LDB2: variants seen among roughly 807,000 people sequenced by gnomAD.
The protein encoded by LDB2 is LIM domain binding 2.
LDB2 carries 12 observed loss-of-function variants against 44.3 expected under a neutral mutation model. That is an observed-to-expected ratio of 0.27 (90% CI 0.17 to 0.44). The LOEUF (loss-of-function observed/expected upper bound fraction) is 0.44. LDB2 is among the 20% of genes least tolerant of loss of function. LDB2 has a pLI of 1.00. For missense variants in LDB2, 344 were observed against 473.5 expected, an observed-to-expected ratio of 0.73 and a Z score of 2.54; for synonymous variants, 164 against 174.8, an observed-to-expected ratio of 0.94 and a Z score of 0.49.
At chr4:16,881,012 G>T (rs1342469491) in intron 1 of LDB2, among the ~76,000 whole-genome samples, 1 of 152,074 alleles carries the variant, frequency 6.6e-6, no homozygotes, top group Non-Finnish European at 1.5e-5. Context: ...CCTCACAGTG[G>T]ATTCTCAGTA....
chr4:16,577,350 A>G (rs1712088946), intron 5 of LDB2, among the ~76,000 whole-genome samples: 1 of 152,186 alleles, frequency 6.6e-6, no homozygotes. Flanking sequence ...CCAAAAAACT[A>G]TTAGAACTGA....
intron 5 of LDB2, among the ~76,000 whole-genome samples, chr4:16,576,016 A>G (rs1748148813): frequency 6.6e-6 from 1 of 152,246 alleles, no homozygotes; most frequent in Non-Finnish European, 1.5e-5. Context: ...CTGAGATTAC[A>G]GGCGTGAGCC....
chr4:16,708,518 C>T (rs527882547), intron 2 of LDB2, among the ~76,000 whole-genome samples: 1 of 152,152 alleles, frequency 6.6e-6, no homozygotes, highest in East Asian at 1.9e-4. Flanking sequence ...GGAATTTACC[C>T]ACTACTTACC....
At chr4:16,573,630 G>C (rs1490624692) in intron 5 of LDB2, among the ~76,000 whole-genome samples, 1 of 152,126 alleles carries the variant, frequency 6.6e-6, no homozygotes, top group East Asian at 1.9e-4. Flanking sequence ...AGTCTTTTGA[G>C]GATTTATAGT....
At chr4:16,667,458 C>T (rs1743604638) in intron 2 of LDB2, among the ~76,000 whole-genome samples, 2 of 152,170 alleles carry the variant, frequency 1.3e-5, no homozygotes, top group Non-Finnish European at 2.9e-5. Flanking sequence ...GACAATTTGG[C>T]TAGTTTCTAC....
chr4:16,515,923 G>A (rs929336413), intron 5 of LDB2, among the ~76,000 whole-genome samples: 3 of 151,954 alleles, frequency 2.0e-5, no homozygotes, highest in African/African-American at 7.3e-5. Context: ...GAGTGCAGTG[G>A]TGTGATCTTG....
chr4:16,715,262 T>C (rs111740914), intron 2 of LDB2, among the ~76,000 whole-genome samples: 127 of 152,286 alleles, frequency 8.3e-4, no homozygotes, highest in African/African-American at 3.0e-3. Flanking sequence ...CTGCCTCCCA[T>C]ACAAATACAA....
At chr4:16,798,035 GAAAAA>G (rs371276215) in intron 1 of LDB2, among the ~76,000 whole-genome samples, 1 of 71,968 alleles carries the variant, frequency 1.4e-5, no homozygotes, top group Non-Finnish European at 3.0e-5. Context: ...ACTCTGTCTC[GAAAAA>G]AAAAAAAAAA....
At chr4:16,648,204 C>A (rs900739697) in intron 2 of LDB2, among the ~76,000 whole-genome samples, 4 of 152,170 alleles carry the variant, frequency 2.6e-5, no homozygotes, top group Non-Finnish European at 5.9e-5. Context: ...GAAGTTGAGT[C>A]TTGGAGAGGG....
chr4:16,757,999 G>A (rs529130660), intron 2 of LDB2, among the ~76,000 whole-genome samples: 331 of 152,012 alleles, frequency 2.2e-3, no homozygotes, highest in Non-Finnish European at 3.6e-3. Flanking sequence ...TGAGAGATGC[G>A]CCTGGCAACC....
At chr4:16,621,953 C>T (rs1220081314) in intron 2 of LDB2, among the ~76,000 whole-genome samples, 1 of 152,168 alleles carries the variant, frequency 6.6e-6, no homozygotes, top group Non-Finnish European at 1.5e-5. Context: ...AGTAAAGATG[C>T]TTTGAAATAT....
intron 5 of LDB2, among the ~76,000 whole-genome samples, chr4:16,536,048 G>A (rs1374865746): frequency 6.6e-6 from 1 of 152,196 alleles, no homozygotes; most frequent in Non-Finnish European, 1.5e-5. Context: ...TCCCAACTAT[G>A]CTTACTTTGT....
At chr4:16,883,122 C>T (rs1487919069) in intron 1 of LDB2, among the ~76,000 whole-genome samples, 2 of 152,138 alleles carry the variant, frequency 1.3e-5, no homozygotes, top group Non-Finnish European at 2.9e-5. Context: ...CAGTTTGTGC[C>T]GAAAGGCAAG....
At chr4:16,546,712 G>T (rs1224380201) in intron 5 of LDB2, among the ~76,000 whole-genome samples, 2 of 152,178 alleles carry the variant, frequency 1.3e-5, no homozygotes, top group African/African-American at 2.4e-5. Context: ...GCCCACCACT[G>T]TGTATGTTCC....
At chr4:16,795,103 G>C (rs1293058582) in intron 1 of LDB2, among the ~76,000 whole-genome samples, 1 of 152,202 alleles carries the variant, frequency 6.6e-6, no homozygotes, top group Non-Finnish European at 1.5e-5. Context: ...CTGAGTTGAG[G>C]ACAGGGAAAT....
At chr4:16,790,205 G>A (rs557352753) in intron 1 of LDB2, among the ~76,000 whole-genome samples, 11 of 152,248 alleles carry the variant, frequency 7.2e-5, no homozygotes, top group South Asian at 4.1e-4. Context: ...TTTACAAATC[G>A]AGACTCCAAG....
intron 1 of LDB2, among the ~76,000 whole-genome samples, chr4:16,768,754 A>T (rs529669808): frequency 6.6e-6 from 1 of 151,708 alleles, no homozygotes; most frequent in Non-Finnish European, 1.5e-5. Flanking sequence ...AATAGTCAAC[A>T]GTTACAAGGC....
intron 1 of LDB2, among the ~76,000 whole-genome samples, chr4:16,843,277 G>A (rs913345360): frequency 2.0e-5 from 3 of 152,160 alleles, no homozygotes; most frequent in Non-Finnish European, 4.4e-5. Flanking sequence ...TCTTTGGAAA[G>A]TTAGCGTTTT....
intron 5 of LDB2, among the ~76,000 whole-genome samples, chr4:16,550,768 G>A (rs570426746): frequency 6.1e-4 from 93 of 152,316 alleles, no homozygotes; most frequent in African/African-American, 2.1e-3. Flanking sequence ...TGCCTTTGAG[G>A]AATTTGGCAC....
Sources: gnomAD v4.1 joint callset for allele counts (sites outside exome capture counted in the v4.1 genomes callset) on GRCh38, gnomAD v4.1.1 for gene constraint, MANE v1.5 for transcripts, NCBI Gene and HGNC (gene_info 2026-07-23, HGNC 2026-07-21) for gene names.